RARB: variants seen among roughly 807,000 people sequenced by gnomAD.
The protein encoded by RARB is HBV-activated protein.
Under a neutral mutation model 51.9 loss-of-function variants are expected in RARB, and 17 were observed. The observed-to-expected ratio is 0.33, with a 90% CI of 0.22 to 0.49. The LOEUF (loss-of-function observed/expected upper bound fraction) is 0.49. Ranked by LOEUF, RARB falls within the 20% of genes least tolerant of loss-of-function variation. The pLI, the probability that RARB is intolerant of heterozygous loss-of-function variation, is 0.99. For missense variants in RARB, 369 were observed against 550.8 expected, an observed-to-expected ratio of 0.67 and a Z score of 3.30; for synonymous variants, 215 against 195.4, an observed-to-expected ratio of 1.10 and a Z score of -0.84.
At chr3:25,143,871 C>T (rs1700147850) in intron 4 of RARB, among the ~76,000 whole-genome samples, 1 of 152,112 alleles carries the variant, frequency 6.6e-6, no homozygotes, top group Admixed American at 6.6e-5. Context: ...TGAAAAGTGC[C>T]TGGCATCAAG....
intron 2 of RARB, among the ~76,000 whole-genome samples, chr3:24,996,655 A>G (rs967714985): frequency 6.6e-6 from 1 of 151,808 alleles, no homozygotes; most frequent in African/African-American, 2.4e-5. Flanking sequence ...TTGTGCTTCT[A>G]TTTTCATTTG....
At chr3:24,918,386 T>C (rs928390746) in intron 2 of RARB, among the ~76,000 whole-genome samples, 2 of 152,198 alleles carry the variant, frequency 1.3e-5, no homozygotes, top group Admixed American at 1.3e-4. Flanking sequence ...AAAGTAGATA[T>C]GAGTTGCCTG....
chr3:24,878,883 A>G (rs1211714591), intron 2 of RARB, among the ~76,000 whole-genome samples: 1 of 152,174 alleles, frequency 6.6e-6, no homozygotes, highest in Non-Finnish European at 1.5e-5. Flanking sequence ...GACTTGGTTG[A>G]AGATATTTTA....
At chr3:25,495,768 A>C (rs1696996131) in intron 2 of RARB, among the ~76,000 whole-genome samples, 1 of 152,224 alleles carries the variant, frequency 6.6e-6, no homozygotes, top group South Asian at 2.1e-4. Flanking sequence ...TTACCGGCTT[A>C]ACTATCATAA....
At chr3:25,332,256 C>T (rs1229554570) in intron 5 of RARB, among the ~76,000 whole-genome samples, 1 of 152,176 alleles carries the variant, frequency 6.6e-6, no homozygotes, top group Non-Finnish European at 1.5e-5. Context: ...CCCTGATGAA[C>T]ATCGATGCAG....
At chr3:24,942,702 G>C (rs1452049416) in intron 2 of RARB, among the ~76,000 whole-genome samples, 1 of 152,032 alleles carries the variant, frequency 6.6e-6, no homozygotes, top group Non-Finnish European at 1.5e-5. Flanking sequence ...TACGCACTAT[G>C]TTGCCTGGCA....
intron 2 of RARB, among the ~76,000 whole-genome samples, chr3:24,914,475 T>A (rs1036415482): frequency 1.8e-4 from 27 of 152,228 alleles, no homozygotes; most frequent in African/African-American, 6.3e-4. Context: ...TGGAACATCT[T>A]CTGCCAATTA....
At chr3:24,891,490 G>C (rs1703376945) in intron 2 of RARB, among the ~76,000 whole-genome samples, 2 of 152,184 alleles carry the variant, frequency 1.3e-5, no homozygotes, top group Non-Finnish European at 2.9e-5. Flanking sequence ...GTGCTATTAA[G>C]TGCTTTCTGT....
chr3:25,356,845 C>T (rs531976737), intron 5 of RARB, among the ~76,000 whole-genome samples: 32 of 152,190 alleles, frequency 2.1e-4, no homozygotes, highest in African/African-American at 6.7e-4. Context: ...AACATGAACT[C>T]ATTCTTTTTT....
At chr3:24,901,267 C>A (rs1313360682) in intron 2 of RARB, among the ~76,000 whole-genome samples, 1 of 152,096 alleles carries the variant, frequency 6.6e-6, no homozygotes, top group Non-Finnish European at 1.5e-5. Context: ...TTAAAGGAAC[C>A]CAGGAGTATT....
At chr3:25,202,534 C>T (rs1182905578) in intron 5 of RARB, among the ~76,000 whole-genome samples, 1 of 152,080 alleles carries the variant, frequency 6.6e-6, no homozygotes, top group East Asian at 1.9e-4. Flanking sequence ...GTTAGGGTGT[C>T]AATTTTAGAT....
At chr3:25,426,855 C>G (rs1008741344), upstream of RARB, among the ~76,000 whole-genome samples, 1 of 152,204 alleles carries the variant, frequency 6.6e-6, no homozygotes, top group African/African-American at 2.4e-5. Flanking sequence ...TTTGTAAATA[C>G]TGCATCTATC....
intron 1 of RARB, among the ~76,000 whole-genome samples, chr3:25,452,311 T>C (rs912957303): frequency 1.3e-5 from 2 of 152,234 alleles, no homozygotes; most frequent in Non-Finnish European, 2.9e-5. Context: ...AATGTTGGTG[T>C]TGAACGTGTC....
In RARB at chr3:25,108,679, A is replaced by C. The variant is rs1026254435; in HGVS notation, c.-327-23482A>C. Among the ~76,000 whole-genome samples, 3 of 152,194 alleles carry C rather than the reference A, an allele frequency of 2.0e-5. No homozygotes were observed. In the East Asian group the frequency reaches 5.8e-4, roughly 29 times the overall value. ...TCAGTCTCTGCTATGGTGTTTTTGT[A>C]TAGAGAGTTTGTGACACTTTTGACA... On this transcript the variant is annotated intron_variant, in intron 3 of 11. Coordinates refer to the RARB transcript ENST00000383772.
intron 5 of RARB, among the ~76,000 whole-genome samples, chr3:25,212,242 C>A (rs1281072527): frequency 6.6e-6 from 1 of 152,122 alleles, no homozygotes; most frequent in Non-Finnish European, 1.5e-5. Context: ...AAGCTCAATG[C>A]ATAAATAAAT....
At chr3:25,106,671 A>G (rs867154303) in intron 3 of RARB, among the ~76,000 whole-genome samples, 4 of 150,488 alleles carry the variant, frequency 2.7e-5, no homozygotes, top group Middle Eastern at 3.4e-3. Context: ...TTTAATGTTG[A>G]CCATGTGAAT....
At chr3:25,284,193 C>A (rs746067218) in intron 5 of RARB, among the ~76,000 whole-genome samples, 2 of 152,110 alleles carry the variant, frequency 1.3e-5, no homozygotes, top group African/African-American at 2.4e-5. Context: ...TCATGAGGAA[C>A]TGAATCCTGC....
chr3:24,897,258 T>C (rs1477768053), intron 2 of RARB, among the ~76,000 whole-genome samples: 3 of 152,318 alleles, frequency 2.0e-5, no homozygotes, highest in East Asian at 1.9e-4. Flanking sequence ...AAATGAACTT[T>C]GCCGAAAAAC....
chr3:24,980,322 G>C (rs78319642), intron 2 of RARB, among the ~76,000 whole-genome samples: 1 of 152,092 alleles, frequency 6.6e-6, no homozygotes, highest in Non-Finnish European at 1.5e-5. Context: ...GTCCTGCCTT[G>C]CTAGCTTGGG....
Sources: allele counts gnomAD v4.1 joint callset (sites outside exome capture counted in the v4.1 genomes callset), GRCh38; gene constraint gnomAD v4.1.1; transcripts MANE v1.5; gene names NCBI Gene and HGNC (gene_info 2026-07-23, HGNC 2026-07-21).